The following GFRA1 variants were observed in gnomAD, a reference collection of about 807,000 sequenced individuals.
GFRA1 encodes the protein GDNF family receptor alpha 1, also known as GDNF family receptor alpha-1.
A neutral mutation model predicts 51.6 loss-of-function variants in GFRA1; 16 were observed. The ratio of observed to expected loss-of-function variants is 0.31; its 90% CI spans 0.21 to 0.47. GFRA1 has a LOEUF of 0.47. GFRA1 is among the 20% of genes least tolerant of loss of function. The pLI, the probability that GFRA1 is intolerant of heterozygous loss-of-function variation, is 1.00. For missense variants in GFRA1, 530 were observed against 594.3 expected, an observed-to-expected ratio of 0.89 and a Z score of 1.13; for synonymous variants, 270 against 241.3, an observed-to-expected ratio of 1.12 and a Z score of -1.10.
chr10:116,235,388 T>C (rs1265830769), intron 4 of GFRA1, among the ~76,000 whole-genome samples: 1 of 152,148 alleles, frequency 6.6e-6, no homozygotes, highest in East Asian at 1.9e-4. Context: ...TAACAATGAA[T>C]AAAACGGTAT....
intron 4 of GFRA1, among the ~76,000 whole-genome samples, chr10:116,212,911 G>A (rs921025351): frequency 6.6e-6 from 1 of 152,138 alleles, no homozygotes; most frequent in African/African-American, 2.4e-5. Flanking sequence ...TCTCCCACAT[G>A]GATTCAGGTT....
chr10:116,217,874 GTAT>G (rs1196977743), intron 4 of GFRA1, among the ~76,000 whole-genome samples: 2 of 152,102 alleles, frequency 1.3e-5, no homozygotes, highest in Non-Finnish European at 2.9e-5. Flanking sequence ...ATAAATTATA[GTAT>G]TATTATTCAA....
intron 9 of GFRA1, among the ~76,000 whole-genome samples, chr10:116,080,102 G>C (rs1274692893): frequency 6.6e-6 from 1 of 152,180 alleles, no homozygotes; most frequent in Non-Finnish European, 1.5e-5. Flanking sequence ...AAGGGGGACA[G>C]TGATATCCAA....
At chr10:116,090,006 T>G (rs1029914351) in intron 8 of GFRA1, 84 bp from the exon 9 acceptor site, 2 of 1,251,848 alleles carry the variant, frequency 1.6e-6, no homozygotes, top group Non-Finnish European at 2.3e-6. Flanking sequence ...AGAGGCACAC[T>G]AGAAATTCTG....
intron 9 of GFRA1, among the ~76,000 whole-genome samples, chr10:116,074,233 C>G (rs968158336): frequency 2.0e-5 from 3 of 152,120 alleles, no homozygotes; most frequent in South Asian, 2.1e-4. Context: ...AGAGGCTGCG[C>G]TGAGATTTGA....
chr10:116,123,829 G>C (rs1565592272), intron 6 of GFRA1, among the ~76,000 whole-genome samples: 1 of 152,184 alleles, frequency 6.6e-6, no homozygotes, highest in South Asian at 2.1e-4. Flanking sequence ...CTGAAGCTTG[G>C]GGGTGAATGG....
At chr10:116,260,324 A>G (rs2134755015) in intron 4 of GFRA1, among the ~76,000 whole-genome samples, 1 of 152,322 alleles carries the variant, frequency 6.6e-6, no homozygotes, top group East Asian at 1.9e-4. Context: ...ATATTTTATC[A>G]TATCCACACT....
chr10:116,199,062 G>A (rs1245297375), intron 5 of GFRA1, among the ~76,000 whole-genome samples: 1 of 152,156 alleles, frequency 6.6e-6, no homozygotes, highest in Non-Finnish European at 1.5e-5. Flanking sequence ...CCCAGTAGCT[G>A]GAAGCGGCCG....
rs971677769 is a variant in GFRA1, at chr10:116,236,200, C to T, written c.419-24555G>A. ...TGCCCTCTGAGGATAACAACCCCAG[C>T]CCATGGTGCCCAAGGGGGACCTGCA... On this transcript the variant is annotated intron_variant, in intron 4 of 10. Coordinates refer to ENST00000355422, the MANE Select transcript of GFRA1 (RefSeq NM_005264.8). Among the ~76,000 whole-genome samples the T allele has an allele frequency of 3.3e-5, 5 of 152,234 alleles. No homozygotes were observed. In the East Asian group the frequency reaches 9.7e-4, roughly 30 times the overall value.
intron 4 of GFRA1, among the ~76,000 whole-genome samples, chr10:116,258,479 CATAT>C (rs1321433568): frequency 2.0e-5 from 3 of 147,212 alleles, no homozygotes; most frequent in African/African-American, 7.4e-5. Flanking sequence ...ATATACGTAA[CATAT>C]ATAATGTAAT....
Position 116,190,780 on chromosome 10 carries a change from T to C in GFRA1, c.433+20851A>G, listed in dbSNP as rs192556651. On this transcript the variant is annotated intron_variant, in intron 5 of 10. Transcript: ENST00000355422. ...CTAAGAGGGGTGGGAAACAAAGCCC[T>C]TCCTTTTCTCTTTGTGCACCAATGT... 1.2e-4 allele frequency among the ~76,000 whole-genome samples: 18 copies of C among 152,350 alleles called. No individual in the cohort carries two copies. The East Asian group carries it at 3.5e-3, about 29-fold the overall frequency.
At chr10:116,231,036 A>G (rs1244907466) in intron 4 of GFRA1, among the ~76,000 whole-genome samples, 1 of 152,154 alleles carries the variant, frequency 6.6e-6, no homozygotes, top group African/African-American at 2.4e-5. Flanking sequence ...CATGTTAAGG[A>G]AAGTTGAGAC....
At chr10:116,205,596 G>GATAT (rs140642664) in intron 5 of GFRA1, among the ~76,000 whole-genome samples, 236 of 140,586 alleles carry the variant, frequency 1.7e-3, no homozygotes, top group Non-Finnish European at 1.9e-3. Context: ...AAAAAAAAAA[G>GATAT]ATATATATAT....
Position 116,059,872 on chromosome 10 carries a change from A to G in GFRA1, c.*4526T>C, listed in dbSNP as rs1954718538. The stretch of plus-strand genomic sequence containing the variant: ...TCATCTTCAGATCATCTGGCTCCTG[A>G]GAGAGGCTTCTCTGTCTTAAAATAT... On this transcript the variant is annotated 3_prime_UTR_variant, in exon 11 of 11. Coordinates refer to ENST00000355422, the MANE Select transcript of GFRA1 (RefSeq NM_005264.8). The G allele has an allele frequency of 6.6e-6, 1 of 152,222 alleles. No individual in the cohort carries two copies. The highest frequency in any genetic ancestry group is 1.5e-5 in the Non-Finnish European group (1 of 68,052). The allele number at this position is 152,222 out of a possible 1,614,324, so 9.4% of individuals were successfully genotyped here.
intron 5 of GFRA1, among the ~76,000 whole-genome samples, chr10:116,165,444 C>T (rs1005514757): frequency 6.6e-6 from 1 of 152,180 alleles, no homozygotes; most frequent in Non-Finnish European, 1.5e-5. Flanking sequence ...ACTTCCTGCT[C>T]TCTCACATGA....
In GFRA1 at chr10:116,230,530, G is replaced by A. The variant is rs944160044; in HGVS notation, c.419-18885C>T. Among the ~76,000 whole-genome samples, 7 of 152,266 alleles carry A rather than the reference G, an allele frequency of 4.6e-5. No individual in the cohort carries two copies. In the South Asian group the frequency reaches 8.3e-4, roughly 18 times the overall value. On this transcript the variant is annotated intron_variant, in intron 4 of 10. Transcript: ENST00000355422. ...GACACACACATATATAGATATAAAG[G>A]CTGTTACAAGTCTATTCTCAGTAGA... is the stretch of plus-strand genomic sequence containing the variant.
intron 5 of GFRA1, among the ~76,000 whole-genome samples, chr10:116,140,329 A>C (rs541657950): frequency 2.2e-4 from 34 of 152,344 alleles, no homozygotes; most frequent in African/African-American, 5.5e-4. Context: ...GAAACAGATG[A>C]TCTCCAGTGG....
At chr10:116,148,369 G>A (rs1048577310) in intron 5 of GFRA1, among the ~76,000 whole-genome samples, 5 of 152,078 alleles carry the variant, frequency 3.3e-5, no homozygotes, top group African/African-American at 1.2e-4. Flanking sequence ...CAGTGATTGA[G>A]GGTGAAGACT....
At chr10:116,239,851 G>A (rs1473300866) in intron 4 of GFRA1, among the ~76,000 whole-genome samples, 4 of 152,120 alleles carry the variant, frequency 2.6e-5, no homozygotes, top group Non-Finnish European at 5.9e-5. Flanking sequence ...CAAAATTTTT[G>A]AGAGTTAAAT....
Sources: gnomAD v4.1 joint callset for allele counts (sites outside exome capture counted in the v4.1 genomes callset) on GRCh38, gnomAD v4.1.1 for gene constraint, MANE v1.5 for transcripts, NCBI Gene and HGNC (gene_info 2026-07-23, HGNC 2026-07-21) for gene names.